The following CADPS2 variants were observed in gnomAD, a reference collection of about 807,000 sequenced individuals.
The protein encoded by CADPS2 is calcium dependent secretion activator 2.
A neutral mutation model predicts 172.5 loss-of-function variants in CADPS2; 93 were observed. The observed-to-expected ratio is 0.54, with a 90% CI of 0.46 to 0.64. The LOEUF (loss-of-function observed/expected upper bound fraction) is 0.64. Ranked by LOEUF, CADPS2 falls within the 30% of genes least tolerant of loss-of-function variation. The pLI, the probability that CADPS2 is intolerant of heterozygous loss-of-function variation, is 0.00. For synonymous variants in CADPS2, 546 were observed against 555.2 expected (o/e 0.98, Z 0.23); for missense variants, 1,420 against 1,565.9 (o/e 0.91, Z 1.57).
intron 2 of CADPS2, among the ~76,000 whole-genome samples, chr7:122,700,164 C>T (rs1453861924): frequency 6.6e-6 from 1 of 152,154 alleles, no homozygotes; most frequent in East Asian, 1.9e-4. Context: ...GGTTTTTTCC[C>T]ACCAGCTAGG....
intron 25 of CADPS2, among the ~76,000 whole-genome samples, chr7:122,373,509 C>T (rs1393926562): frequency 1.3e-5 from 2 of 152,162 alleles, no homozygotes; most frequent in Non-Finnish European, 2.9e-5. Flanking sequence ...CCTGGTATCA[C>T]GCCTGCCCAA....
Position 122,744,063 on chromosome 7 carries a change from A to C in CADPS2, c.340-6995T>G, listed in dbSNP as rs143399185. On this transcript the variant is annotated intron_variant, in intron 1 of 29. Transcript: ENST00000449022. ...TATCAGGTTCACTTGATAGGTATAG[A>C]CATGGTCAAATGACCAAGTTAAGAC... Among the ~76,000 whole-genome samples, 529 of 152,344 alleles carry C rather than the reference A, an allele frequency of 3.5e-3. 6 individuals are homozygous for C. The highest frequency in any genetic ancestry group is 0.012 in the African/African-American group (518 of 41,590).
rs552420087 is a variant in CADPS2, at chr7:122,823,408, G to A, written c.339+62591C>T. Among the ~76,000 whole-genome samples the A allele has an allele frequency of 2.0e-5, 3 of 152,166 alleles. No individual in the cohort carries two copies. In the East Asian group the frequency reaches 5.8e-4, roughly 30 times the overall value. ...TTTAACATAAGTGAATCTCTCTCCT[G>A]CTCCCCTCCCCCTTGTTTACTTTAC... On this transcript the variant is annotated intron_variant, in intron 1 of 29. Coordinates refer to ENST00000449022, the MANE Select transcript of CADPS2 (RefSeq NM_017954.11).
intron 1 of CADPS2, chr7:122,849,809 C>A: frequency 1.9e-6 from 1 of 534,952 alleles, no homozygotes; most frequent in African/African-American, 1.9e-5. Flanking sequence ...TACATCATCC[C>A]TCAGCACCAT....
At chr7:122,564,146 A>T (rs1468294941) in intron 7 of CADPS2, among the ~76,000 whole-genome samples, 1 of 152,184 alleles carries the variant, frequency 6.6e-6, no homozygotes, top group Non-Finnish European at 1.5e-5. Context: ...CTTGTTCTTC[A>T]TATGAATAAG....
chr7:122,578,977 C>T (rs1047565421), intron 7 of CADPS2, among the ~76,000 whole-genome samples: 3 of 151,934 alleles, frequency 2.0e-5, no homozygotes, highest in Admixed American at 2.0e-4. Flanking sequence ...TTAATAACTG[C>T]CTCTATGGAA....
intron 7 of CADPS2, among the ~76,000 whole-genome samples, chr7:122,578,052 C>T (rs2068271707): frequency 6.7e-6 from 1 of 149,902 alleles, no homozygotes; most frequent in African/African-American, 2.5e-5. Context: ...GTTATTTGTT[C>T]TAATTAGAAA....
At chr7:122,533,863 A>C (rs1386071977) in intron 8 of CADPS2, among the ~76,000 whole-genome samples, 1 of 152,182 alleles carries the variant, frequency 6.6e-6, no homozygotes, top group South Asian at 2.1e-4. Flanking sequence ...TAAAAGACAG[A>C]TCCAGTGCAG....
chr7:122,359,843 TC>T (rs1437240993), intron 27 of CADPS2, among the ~76,000 whole-genome samples: 1 of 152,134 alleles, frequency 6.6e-6, no homozygotes, highest in Non-Finnish European at 1.5e-5. Context: ...CAGGGCCTTC[TC>T]ATTTAAAATA....
chr7:122,632,782 G>A (rs942821103), intron 3 of CADPS2, among the ~76,000 whole-genome samples: 4 of 152,020 alleles, frequency 2.6e-5, no homozygotes, highest in African/African-American at 9.7e-5. Context: ...AGCTAAGGTC[G>A]AGAAGGGTAT....
intron 1 of CADPS2, among the ~76,000 whole-genome samples, chr7:122,768,608 A>G (rs1411087922): frequency 6.6e-6 from 1 of 152,150 alleles, no homozygotes; most frequent in African/African-American, 2.4e-5. Flanking sequence ...AGGAATCAAA[A>G]TAAATGTTTT....
chr7:122,847,850 G>A (rs1239296190), intron 1 of CADPS2, among the ~76,000 whole-genome samples: 1 of 152,216 alleles, frequency 6.6e-6, no homozygotes, highest in African/African-American at 2.4e-5. Context: ...AGTAGCTGTG[G>A]TTAGAATGGT....
intron 2 of CADPS2, among the ~76,000 whole-genome samples, chr7:122,692,275 G>A (rs1490751302): frequency 1.3e-5 from 2 of 152,126 alleles, no homozygotes; most frequent in Non-Finnish European, 2.9e-5. Context: ...ACGGTGGTGG[G>A]GGGAGGGTCC....
chr7:122,474,584 T>A (rs2056408249), intron 12 of CADPS2, 67 bp from the exon 13 acceptor site: 1 of 1,481,648 alleles, frequency 6.7e-7, no homozygotes, highest in African/African-American at 1.4e-5. Context: ...ATACAAGTTG[T>A]GAAGAATACA....
At chr7:122,682,107 C>T (rs2083115377) in intron 2 of CADPS2, among the ~76,000 whole-genome samples, 1 of 152,154 alleles carries the variant, frequency 6.6e-6, no homozygotes, top group Non-Finnish European at 1.5e-5. Context: ...GCAAATACTC[C>T]TTAACCTTGT....
At chr7:122,399,830 GCGCCCGCCACTA>G (rs1407498874) in intron 20 of CADPS2, among the ~76,000 whole-genome samples, 2 of 150,454 alleles carry the variant, frequency 1.3e-5, no homozygotes, top group Non-Finnish European at 3.0e-5. Context: ...GGGACTACAG[GCGCCCGCCACTA>G]CGCCCGGCTA....
At chr7:122,701,299 A>G (rs950081945) in intron 2 of CADPS2, among the ~76,000 whole-genome samples, 2 of 152,208 alleles carry the variant, frequency 1.3e-5, no homozygotes, top group Admixed American at 6.5e-5. Context: ...AGGGACATGG[A>G]TGAAGCTGGA....
At chr7:122,884,980 ATGTC>A (rs1159264064) in intron 1 of CADPS2, among the ~76,000 whole-genome samples, 1 of 152,200 alleles carries the variant, frequency 6.6e-6, no homozygotes, top group Non-Finnish European at 1.5e-5. Context: ...AAACTAATAA[ATGTC>A]TGTGCATGTA....
At chr7:122,410,632 C>A (rs769236021) in intron 19 of CADPS2, among the ~76,000 whole-genome samples, 1 of 152,012 alleles carries the variant, frequency 6.6e-6, no homozygotes, top group Admixed American at 6.5e-5. Flanking sequence ...CTTGCCCTAA[C>A]CTCTCCCAGT....
Sources: gnomAD v4.1 joint callset for allele counts (sites outside exome capture counted in the v4.1 genomes callset) on GRCh38, gnomAD v4.1.1 for gene constraint, MANE v1.5 for transcripts, NCBI Gene and HGNC (gene_info 2026-07-23, HGNC 2026-07-21) for gene names.